The following GUF1 variants were observed in gnomAD, a reference collection of about 807,000 sequenced individuals.
The protein encoded by GUF1 is GTP binding elongation factor GUF1.
In GUF1, 78 loss-of-function variants were observed where a neutral mutation model predicts 82.4. The observed-to-expected ratio is 0.95, with a 90% confidence interval of 0.79 to 1.14. The LOEUF is 1.14. Ranked by LOEUF, GUF1 falls within the 50% of genes most tolerant of loss-of-function variation. The pLI is 0.00. For synonymous variants in GUF1, 279 were observed against 282.3 expected (o/e 0.99, Z 0.12); for missense variants, 814 against 798.2 (o/e 1.02, Z -0.24).
chr4:44,691,617 GTA>G (rs1715447277), intron 12 of GUF1, 47 bp from the exon 13 acceptor site: 1 of 1,450,212 alleles, frequency 6.9e-7, no homozygotes, highest in South Asian at 1.2e-5. Flanking sequence ...TCATTCCTCA[GTA>G]TTTGAGTAGG....
Position 44,678,584 on chromosome 4 carries a change from G to T in GUF1, c.-39G>T, listed in dbSNP as rs781007936. 2.1e-6 allele frequency: 3 copies of T among 1,428,686 alleles called. No individual in the cohort carries two copies. Among genetic ancestry groups the T allele is most frequent in the Non-Finnish European group, 2.7e-6 (3 of 1,097,302 alleles). The allele number at this position is 1,428,686 out of a possible 1,614,324, so 88.5% of individuals were successfully genotyped here. ...AAAAAACGGGCTATGCTGCTGTTGC[G>T]TGTGGGTACCCTCTCCTGACGCCTC... is the stretch of plus-strand genomic sequence containing the variant. On this transcript the variant is annotated 5_prime_UTR_variant, in exon 1 of 17. Transcript: ENST00000281543.
In GUF1 at chr4:44,695,678, A is replaced by G. The variant is rs972930879; in HGVS notation, c.1779A>G (p.Gln593=). 2 of 1,613,230 alleles carry G rather than the reference A, an allele frequency of 1.2e-6. No individual in the cohort carries two copies. The highest frequency in any genetic ancestry group is 1.7e-6 in the Non-Finnish European group (2 of 1,179,520). ...GGCTGAAGGATTCTCTTCCTAGGCA[A>G]CTGTTTGAGATAGCAATTCAAGCTG... ...CERLKDSLPR[Q]LFEIAIQAAI... The change falls in exon 15 of 17, where the codon CAA becomes CAG. Residue 593 remains glutamine, a synonymous_variant. Coordinates refer to ENST00000281543, the MANE Select transcript of GUF1 (RefSeq NM_021927.3).
chr4:44,698,374 C>A (rs1715979671), intron 16 of GUF1, among the ~76,000 whole-genome samples, 170 bp from the exon 17 acceptor site: 1 of 151,938 alleles, frequency 6.6e-6, no homozygotes, highest in Admixed American at 6.6e-5. Flanking sequence ...AATCCTGTAT[C>A]ATTCTTTGAG....
chr4:44,694,642 TG>T, intron 14 of GUF1, 129 bp downstream of exon 14: 2 of 611,902 alleles, frequency 3.3e-6, no homozygotes, highest in Non-Finnish European at 2.9e-6. Flanking sequence ...CTACTAACTT[TG>T]CTTTCTCTTT....
rs1260917770 is a variant in GUF1, at chr4:44,680,970, C to G, written c.426+128C>G. On this transcript the variant is annotated intron_variant, in intron 3 of 16. Coordinates refer to ENST00000281543, the MANE Select transcript of GUF1 (RefSeq NM_021927.3). Reference sequence around the variant, plus strand: ...CTTTGCTTTTTGTTTTCTCAGTGTTCTTATGTTAGTGTCAGTTGTTTCAAA... The same window carrying G: ...CTTTGCTTTTTGTTTTCTCAGTGTTGTTATGTTAGTGTCAGTTGTTTCAAA... 4.6e-6 allele frequency: 5 copies of G among 1,089,900 alleles called. No individual in the cohort carries two copies. In the East Asian group the frequency reaches 9.5e-5, roughly 21 times the overall value. 67.5% of individuals were successfully genotyped at this position (1,089,900 alleles called of 1,614,324 possible).
At position 44,683,208 on chromosome 4, in the gene GUF1, T is replaced by A. The variant is rs58659516; in HGVS notation, c.586-27T>A. On this transcript the variant is annotated intron_variant, in intron 5 of 16. Transcript: ENST00000281543. ...TAATACATCTTATCTTTATTATACT[T>A]CACATAATGGATTTTTTTTTTTAAA... 1,379,325 of 1,384,486 alleles carry A rather than the reference T, an allele frequency of 1. 687,255 individuals are homozygous for A. Among genetic ancestry groups the A allele is most frequent in the East Asian group, 1 (42,646 of 42,646 alleles). 85.8% of individuals were successfully genotyped at this position (1,384,486 alleles called of 1,614,324 possible). A position where few individuals can be genotyped will look rare whatever the true frequency, so the allele number is the denominator to read the frequency against.
At chr4:44,693,561 A>G (rs1043858460) in intron 13 of GUF1, among the ~76,000 whole-genome samples, 5 of 152,096 alleles carry the variant, frequency 3.3e-5, no homozygotes, top group African/African-American at 9.6e-5. Flanking sequence ...AGAGTGTATT[A>G]TTGTCACTTT....
At chr4:44,694,254 C>T (rs2109663616) in intron 13 of GUF1, 158 bp from the exon 14 acceptor site, 1 of 594,638 alleles carries the variant, frequency 1.7e-6, no homozygotes, top group East Asian at 3.3e-5. Context: ...ACATTTAGAT[C>T]CATTCACAAG....
At chr4:44,681,246 T>C (rs373055096) in intron 4 of GUF1, 43 bp downstream of exon 4, 4 of 1,379,506 alleles carry the variant, frequency 2.9e-6, no homozygotes, top group Non-Finnish European at 4.1e-6. Flanking sequence ...GACATGACTA[T>C]TTGGTTGTTT....
At position 44,685,907 on chromosome 4, in the gene GUF1, A is replaced by G. The variant is rs1721117458; in HGVS notation, c.670-52A>G. On this transcript the variant is annotated intron_variant, in intron 6 of 16. Transcript: ENST00000281543. The stretch of plus-strand genomic sequence containing the variant: ...ATAAGTCACAGGTCATCAAGATAGA[A>G]AAGTATAGTCTTAACTTTAAATGCT... 4 of 1,266,622 alleles carry G rather than the reference A, an allele frequency of 3.2e-6. No homozygotes were observed. In the Admixed American group the frequency reaches 7.1e-5, roughly 22 times the overall value. The allele number at this position is 1,266,622 out of a possible 1,614,324, so 78.5% of individuals were successfully genotyped here. A position where few individuals can be genotyped will look rare whatever the true frequency, so the allele number is the denominator to read the frequency against.
chr4:44,697,887 G>GT (rs1181840650), intron 16 of GUF1, among the ~76,000 whole-genome samples: 2 of 152,214 alleles, frequency 1.3e-5, no homozygotes, highest in East Asian at 3.9e-4. Flanking sequence ...GCTCACAACT[G>GT]TAATCCCAGC....
chr4:44,698,839 A>AT lies in GUF1; in HGVS notation c.*162dup. The stretch of plus-strand genomic sequence containing the variant: ...AGTTAGTGGGTAGGCAAGAGCTTAG[A>AT]TTTTGAAGCCATGTTGCCTGTTCTC... On this transcript the variant is annotated 3_prime_UTR_variant, in exon 17 of 17. Transcript: ENST00000281543. 1 of 620,590 alleles carries AT rather than the reference A, an allele frequency of 1.6e-6. No individual in the cohort carries two copies. 38.4% of individuals were successfully genotyped at this position (620,590 alleles called of 1,614,324 possible). A position where few individuals can be genotyped will look rare whatever the true frequency, so the allele number is the denominator to read the frequency against.
At chr4:44,686,212 TAAAAGA>T (rs1010991010) in intron 7 of GUF1, among the ~76,000 whole-genome samples, 189 bp downstream of exon 7, 24 of 152,014 alleles carry the variant, frequency 1.6e-4, no homozygotes, top group Non-Finnish European at 2.1e-4. Context: ...TACAGTAAAG[TAAAAGA>T]AAAAGTAAAG....
In GUF1 at chr4:44,680,727, T is replaced by A; in HGVS notation, c.311T>A (p.Val104Asp). Residue 104 changes from valine to aspartate, a missense_variant, in exon 3 of 17, where the codon GTT becomes GAT. Physicochemically the swap from Val to Asp is radical, Grantham distance 152. Transcript: ENST00000281543. ...TIDKTKNNKQVLDKLQVERER... is the reference protein window; with the variant it reads ...TIDKTKNNKQDLDKLQVERER... The stretch of plus-strand genomic sequence containing the variant: ...GATAAAACAAAGAATAATAAGCAGG[T>A]TCTTGATAAATTGCAAGTGGAACGA... The A allele has an allele frequency of 6.2e-7, 1 of 1,609,508 alleles. No homozygotes were observed.
In GUF1 at chr4:44,685,896, A is replaced by T. The variant is rs549262144; in HGVS notation, c.670-63A>T. On this transcript the variant is annotated intron_variant, in intron 6 of 16. Transcript: ENST00000281543. ...TCCTTCTGATCATAAGTCACAGGTC[A>T]TCAAGATAGAAAAGTATAGTCTTAA... 5.3e-6 allele frequency: 6 copies of T among 1,122,912 alleles called. No homozygotes were observed. The African/African-American group carries it at 6.2e-5, about 12-fold the overall frequency. 69.6% of individuals were successfully genotyped at this position (1,122,912 alleles called of 1,614,324 possible).
chr4:44,686,399 G>T, intron 7 of GUF1, 111 bp from the exon 8 acceptor site: 2 of 584,946 alleles, frequency 3.4e-6, no homozygotes, highest in Admixed American at 6.7e-5. Flanking sequence ...TTAGGCTGTT[G>T]TGTATCAAAC....
chr4:44,681,471 T>G (rs1472775599), intron 4 of GUF1, among the ~76,000 whole-genome samples: 2 of 152,080 alleles, frequency 1.3e-5, no homozygotes, highest in Non-Finnish European at 2.9e-5. Context: ...TGTCAATGCA[T>G]CTTACCAAAA....
In GUF1 at chr4:44,689,410, G is replaced by A; in HGVS notation, c.1202+1G>A. On this transcript the variant is annotated splice_donor_variant, in intron 10 of 16. Coordinates refer to ENST00000281543, the MANE Select transcript of GUF1 (RefSeq NM_021927.3). LOFTEE classifies it high-confidence loss of function. ...GCCTTGCTCTGGGTGCTGGCTGGAGGTAAGATTCATTCACATGTGTTTTAT... is the reference window on the plus strand; with the variant it reads ...GCCTTGCTCTGGGTGCTGGCTGGAGATAAGATTCATTCACATGTGTTTTAT... 1.9e-6 allele frequency: 3 copies of A among 1,600,994 alleles called. No homozygotes were observed. The highest frequency in any genetic ancestry group is 2.6e-6 in the Non-Finnish European group (3 of 1,173,338).
intron 4 of GUF1, among the ~76,000 whole-genome samples, chr4:44,681,619 A>C (rs1053396694): frequency 6.6e-6 from 1 of 152,158 alleles, no homozygotes; most frequent in Non-Finnish European, 1.5e-5. Flanking sequence ...GTTTTTAAAA[A>C]ATCAGTAACA....
Sources: allele counts gnomAD v4.1 joint callset (sites outside exome capture counted in the v4.1 genomes callset), GRCh38; gene constraint gnomAD v4.1.1; transcripts MANE v1.5; gene names NCBI Gene and HGNC (gene_info 2026-07-23, HGNC 2026-07-21).